EIF4G3: variants seen among roughly 807,000 people sequenced by gnomAD.
The protein encoded by EIF4G3 is eIF-4-gamma 3.
In EIF4G3, 34 loss-of-function variants were observed where a neutral mutation model predicts 186.4. That is an observed-to-expected ratio of 0.18 (90% CI 0.14 to 0.24). EIF4G3 has a LOEUF of 0.24. Among genes scored for constraint, EIF4G3 ranks in the 10% least tolerant of loss-of-function variants. The pLI is 1.00. For synonymous variants in EIF4G3, 673 were observed against 679.5 expected (o/e 0.99, Z 0.15); for missense variants, 1,536 against 1,948.5 (o/e 0.79, Z 3.99).
At chr1:21,041,595 C>T (rs530247753) in intron 4 of EIF4G3, among the ~76,000 whole-genome samples, 18 of 152,088 alleles carry the variant, frequency 1.2e-4, no homozygotes, top group Admixed American at 5.9e-4. Flanking sequence ...GAGTAATAAA[C>T]AGAATTTTGA....
chr1:21,078,783 G>C (rs1009662319), intron 3 of EIF4G3, among the ~76,000 whole-genome samples: 1 of 152,102 alleles, frequency 6.6e-6, no homozygotes, highest in Non-Finnish European at 1.5e-5. Context: ...TCAGGAGTTC[G>C]AGACCAGCCT....
At chr1:20,826,419 G>T (rs575152743) in intron 32 of EIF4G3, among the ~76,000 whole-genome samples, 3 of 150,700 alleles carry the variant, frequency 2.0e-5, no homozygotes, top group Admixed American at 6.6e-5. Flanking sequence ...CACCCGCCTC[G>T]GCCTCCCAAA....
intron 4 of EIF4G3, among the ~76,000 whole-genome samples, chr1:21,035,772 C>T (rs557927986): frequency 3.3e-5 from 5 of 152,238 alleles, no homozygotes; most frequent in African/African-American, 4.8e-5. Flanking sequence ...CCAGAAGGGG[C>T]GAGTCCTCAG....
chr1:21,146,462 T>TA (rs2097443598), intron 2 of EIF4G3, among the ~76,000 whole-genome samples: 1 of 152,152 alleles, frequency 6.6e-6, no homozygotes. Flanking sequence ...ATTTTATATT[T>TA]AAAAAATATT....
chr1:21,063,241 C>G (rs987210837), intron 3 of EIF4G3, among the ~76,000 whole-genome samples: 4 of 151,960 alleles, frequency 2.6e-5, no homozygotes, highest in African/African-American at 9.7e-5. Context: ...ATTTAAAGTA[C>G]TGCTGAAAAA....
intron 9 of EIF4G3, among the ~76,000 whole-genome samples, 197 bp downstream of exon 9, chr1:20,980,851 T>C (rs978906809): frequency 2.0e-5 from 3 of 152,178 alleles, no homozygotes; most frequent in Non-Finnish European, 4.4e-5. Flanking sequence ...TTTTAAAAAA[T>C]TTTAAGTAAA....
At chr1:20,908,003 C>T (rs2092551031) in intron 14 of EIF4G3, among the ~76,000 whole-genome samples, 1 of 151,622 alleles carries the variant, frequency 6.6e-6, no homozygotes, top group Non-Finnish European at 1.5e-5. Flanking sequence ...AGTTTACAGT[C>T]CCACCAACAG....
chr1:21,130,215 T>TC (rs1459434382), intron 2 of EIF4G3, among the ~76,000 whole-genome samples: 1 of 114,278 alleles, frequency 8.8e-6, no homozygotes, highest in Non-Finnish European at 1.8e-5. Context: ...AGACCCCATC[T>TC]CTTTTTTTTT....
At chr1:21,081,060 C>G (rs529982892) in intron 3 of EIF4G3, among the ~76,000 whole-genome samples, 19 of 152,300 alleles carry the variant, frequency 1.2e-4, no homozygotes, top group African/African-American at 4.6e-4. Flanking sequence ...ATTAATATTT[C>G]AAATTAACCT....
chr1:21,009,740 C>T (rs1030518103), intron 4 of EIF4G3, among the ~76,000 whole-genome samples: 1 of 151,784 alleles, frequency 6.6e-6, no homozygotes, highest in Admixed American at 6.6e-5. Context: ...CTGCAACCTC[C>T]ACCTCCCGGG....
chr1:21,165,230 A>G (rs2097838031), intron 2 of EIF4G3, among the ~76,000 whole-genome samples: 1 of 152,246 alleles, frequency 6.6e-6, no homozygotes, highest in African/African-American at 2.4e-5. Context: ...CATTGTTGGC[A>G]GGAACATAAA....
chr1:20,896,366 G>T (rs1167899256), intron 16 of EIF4G3, among the ~76,000 whole-genome samples: 1 of 150,106 alleles, frequency 6.7e-6, no homozygotes, highest in Admixed American at 6.7e-5. Context: ...AGTCCAGGAG[G>T]CTGAGGCTGC....
At chr1:21,140,177 A>C (rs1445180897) in intron 2 of EIF4G3, among the ~76,000 whole-genome samples, 1 of 152,242 alleles carries the variant, frequency 6.6e-6, no homozygotes, top group Non-Finnish European at 1.5e-5. Flanking sequence ...ATTTGTGGAT[A>C]ACCAACACAA....
At chr1:21,121,325 A>C (rs2096921080) in intron 2 of EIF4G3, among the ~76,000 whole-genome samples, 1 of 152,220 alleles carries the variant, frequency 6.6e-6, no homozygotes, top group South Asian at 2.1e-4. Context: ...ATATTATTTC[A>C]AACACAAAAT....
At chr1:20,885,080 C>G (rs971946181) in intron 19 of EIF4G3, among the ~76,000 whole-genome samples, 1 of 152,186 alleles carries the variant, frequency 6.6e-6, no homozygotes. Context: ...TCTGGGGCTG[C>G]CACTGATCTG....
At chr1:20,928,303 G>C (rs1375318241) in intron 14 of EIF4G3, among the ~76,000 whole-genome samples, 1 of 152,152 alleles carries the variant, frequency 6.6e-6, no homozygotes, top group Non-Finnish European at 1.5e-5. Flanking sequence ...CTCCGATACT[G>C]TCAATTGTGG....
chr1:20,887,934 G>T (rs1178371124), intron 18 of EIF4G3, among the ~76,000 whole-genome samples: 1 of 152,096 alleles, frequency 6.6e-6, no homozygotes, highest in Non-Finnish European at 1.5e-5. Context: ...CTAAATGGTT[G>T]GCTAAACCTC....
At chr1:21,021,714 C>T (rs953474911) in intron 4 of EIF4G3, among the ~76,000 whole-genome samples, 2 of 152,070 alleles carry the variant, frequency 1.3e-5, no homozygotes, top group Non-Finnish European at 2.9e-5. Flanking sequence ...CAGCACAATG[C>T]CTGGCTAATT....
intron 4 of EIF4G3, among the ~76,000 whole-genome samples, chr1:21,017,154 C>T (rs1465952884): frequency 6.6e-6 from 1 of 152,158 alleles, no homozygotes; most frequent in African/African-American, 2.4e-5. Flanking sequence ...CGAGTTCTCA[C>T]ACATTACAAC....
Sources: gnomAD v4.1 joint callset for allele counts (sites outside exome capture counted in the v4.1 genomes callset) on GRCh38, gnomAD v4.1.1 for gene constraint, MANE v1.5 for transcripts, NCBI Gene and HGNC (gene_info 2026-07-23, HGNC 2026-07-21) for gene names.